ZNF804A: variants seen among roughly 807,000 people sequenced by gnomAD.
ZNF804A encodes the protein zinc finger protein 804A.
Under a neutral mutation model 16.5 loss-of-function variants are expected in ZNF804A, and 2 were observed. The observed-to-expected ratio is 0.12, with a 90% CI of 0.05 to 0.38. The LOEUF (loss-of-function observed/expected upper bound fraction) is 0.38, where lower values mean the gene tolerates loss of function less well. Among genes scored for constraint, ZNF804A ranks in the 10% least tolerant of loss-of-function variants. The pLI, the probability that ZNF804A is intolerant of heterozygous loss-of-function variation, is 0.99. For missense variants in ZNF804A, 1,473 were observed against 1,390.7 expected (o/e 1.06, Z -0.94); for synonymous variants, 534 against 489.6 (o/e 1.09, Z -1.20).
intron 1 of ZNF804A, among the ~76,000 whole-genome samples, chr2:184,630,690 G>A (rs1691591576): frequency 6.6e-6 from 1 of 152,018 alleles, no homozygotes; most frequent in Non-Finnish European, 1.5e-5. Context: ...TCATCATTTT[G>A]AAATTCTACT....
intron 2 of ZNF804A, among the ~76,000 whole-genome samples, chr2:184,925,769 G>A (rs1685600282): frequency 6.6e-6 from 1 of 151,884 alleles, no homozygotes; most frequent in African/African-American, 2.4e-5. Context: ...ATAACCCACT[G>A]TTTTAAGCTA....
intron 2 of ZNF804A, among the ~76,000 whole-genome samples, chr2:184,914,038 C>T (rs1489811071): frequency 2.0e-5 from 3 of 152,148 alleles, no homozygotes; most frequent in Non-Finnish European, 2.9e-5. Context: ...TCTGTGTCCT[C>T]CCACGACGTA....
Position 184,641,551 on chromosome 2 carries a change from T to G in ZNF804A, c.111+42481T>G, listed in dbSNP as rs73043219. On this transcript the variant is annotated intron_variant, in intron 1 of 3. Transcript: ENST00000302277. ...CTTAAAATGATTACATTTTATCATATTTAAATCATATCTTGAAATATTTAT... is the reference window on the plus strand; with the variant it reads ...CTTAAAATGATTACATTTTATCATAGTTAAATCATATCTTGAAATATTTAT... 7.0e-3 allele frequency among the ~76,000 whole-genome samples: 1,062 copies of G among 152,350 alleles called. 11 individuals carry two copies. Among genetic ancestry groups the G allele is most frequent in the African/African-American group, 0.024 (1,017 of 41,566 alleles).
At chr2:184,653,425 A>AAG (rs1692021117) in intron 1 of ZNF804A, among the ~76,000 whole-genome samples, 1 of 152,158 alleles carries the variant, frequency 6.6e-6, no homozygotes, top group South Asian at 2.1e-4. Flanking sequence ...GCCTCCTCAG[A>AAG]AGAAAGTATT....
At chr2:184,602,909 ATGG>A (rs1691072152) in intron 1 of ZNF804A, among the ~76,000 whole-genome samples, 1 of 152,000 alleles carries the variant, frequency 6.6e-6, no homozygotes, top group Non-Finnish European at 1.5e-5. Context: ...TGATTAAGAG[ATGG>A]TATTGTGTTA....
chr2:184,695,333 T>G (rs1041708960), intron 1 of ZNF804A, among the ~76,000 whole-genome samples: 2 of 151,566 alleles, frequency 1.3e-5, no homozygotes, highest in Non-Finnish European at 2.9e-5. Context: ...AGGTGGCATG[T>G]GCCTGTAGTC....
At chr2:184,768,005 A>C (rs1694155746) in intron 1 of ZNF804A, among the ~76,000 whole-genome samples, 1 of 152,122 alleles carries the variant, frequency 6.6e-6, no homozygotes, top group Non-Finnish European at 1.5e-5. Context: ...TAAACCAAAT[A>C]TATAACTAGG....
intron 1 of ZNF804A, among the ~76,000 whole-genome samples, chr2:184,674,857 A>G (rs1313554761): frequency 6.6e-6 from 1 of 151,890 alleles, no homozygotes; most frequent in African/African-American, 2.4e-5. Flanking sequence ...ATTCCATGTC[A>G]ACAACTTTTT....
At chr2:184,669,733 T>C (rs1451615038) in intron 1 of ZNF804A, among the ~76,000 whole-genome samples, 1 of 147,092 alleles carries the variant, frequency 6.8e-6, no homozygotes, top group Non-Finnish European at 1.5e-5. Context: ...CTGGATGACT[T>C]GGTTGCCACA....
intron 1 of ZNF804A, among the ~76,000 whole-genome samples, chr2:184,780,906 TTC>T (rs1558959663): frequency 1.3e-5 from 2 of 151,716 alleles, no homozygotes; most frequent in Non-Finnish European, 2.9e-5. Context: ...CATCACAAAT[TTC>T]TCTCTAGGGG....
At chr2:184,622,912 A>C (rs546254638) in intron 1 of ZNF804A, among the ~76,000 whole-genome samples, 104 of 152,154 alleles carry the variant, frequency 6.8e-4, no homozygotes, top group Admixed American at 6.0e-3. Context: ...CAAAGATATG[A>C]TATTGCACTG....
chr2:184,616,027 A>C (rs975431093), intron 1 of ZNF804A, among the ~76,000 whole-genome samples: 3 of 152,172 alleles, frequency 2.0e-5, no homozygotes, highest in African/African-American at 7.2e-5. Flanking sequence ...TCACCTTTGA[A>C]TCTGTCCTCC....
Position 184,668,579 on chromosome 2 carries a change from C to A in ZNF804A, c.111+69509C>A, listed in dbSNP as rs575702433. On this transcript the variant is annotated intron_variant, in intron 1 of 3. Coordinates refer to ENST00000302277, the MANE Select transcript of ZNF804A (RefSeq NM_194250.2). ...TTAGTTGCCAGAAGCAACAGGAGCC[C>A]CTCAGAAGGTTCAAAAACTCTTGAG... 7.9e-5 allele frequency among the ~76,000 whole-genome samples: 12 copies of A among 151,778 alleles called. No homozygotes were observed. In the South Asian group the frequency reaches 2.1e-3, roughly 26 times the overall value.
intron 1 of ZNF804A, among the ~76,000 whole-genome samples, chr2:184,857,109 C>T (rs1010468753): frequency 2.6e-5 from 4 of 151,992 alleles, no homozygotes; most frequent in Non-Finnish European, 5.9e-5. Flanking sequence ...GCATTTATTG[C>T]TACCAACTTT....
At chr2:184,809,283 T>G (rs2105785903) in intron 1 of ZNF804A, among the ~76,000 whole-genome samples, 1 of 151,780 alleles carries the variant, frequency 6.6e-6, no homozygotes, top group South Asian at 2.1e-4. Flanking sequence ...TAATTTTTTA[T>G]AAAGTATACA....
At chr2:184,919,616 A>G (rs1685499978) in intron 2 of ZNF804A, among the ~76,000 whole-genome samples, 2 of 152,082 alleles carry the variant, frequency 1.3e-5, no homozygotes. Flanking sequence ...CACATACCCA[A>G]TCCTTCTTGT....
intron 1 of ZNF804A, among the ~76,000 whole-genome samples, chr2:184,732,553 A>G (rs1383370463): frequency 1.3e-5 from 2 of 152,056 alleles, no homozygotes; most frequent in Non-Finnish European, 2.9e-5. Flanking sequence ...TGCTTTGTCA[A>G]TATCTTCAAA....
At chr2:184,928,843 A>G (rs1050444749) in intron 2 of ZNF804A, among the ~76,000 whole-genome samples, 5 of 152,092 alleles carry the variant, frequency 3.3e-5, no homozygotes, top group African/African-American at 9.7e-5. Context: ...AACGTCTCAC[A>G]GTTGTTTCTC....
At chr2:184,664,026 A>T (rs1692219665) in intron 1 of ZNF804A, among the ~76,000 whole-genome samples, 1 of 152,244 alleles carries the variant, frequency 6.6e-6, no homozygotes. Context: ...TTCTAGTTTC[A>T]TGAAATTGGC....
Sources: allele counts gnomAD v4.1 joint callset (sites outside exome capture counted in the v4.1 genomes callset), GRCh38; gene constraint gnomAD v4.1.1; transcripts MANE v1.5; gene names NCBI Gene and HGNC (gene_info 2026-07-23, HGNC 2026-07-21).